Variants in PKNOX2 observed in about 807,000 individuals in gnomAD.
The protein encoded by PKNOX2 is PBX/knotted 1 homeobox 2.
Under a neutral mutation model 53.1 loss-of-function variants are expected in PKNOX2, and 14 were observed. That is an observed-to-expected ratio of 0.26 (90% confidence interval 0.17 to 0.41). The LOEUF (loss-of-function observed/expected upper bound fraction) is 0.41, where lower values mean the gene tolerates loss of function less well. Ranked by LOEUF, PKNOX2 falls within the 10% of genes least tolerant of loss-of-function variation. The pLI, the probability that PKNOX2 is intolerant of heterozygous loss-of-function variation, is 1.00. For synonymous variants in PKNOX2, 257 were observed against 242.8 expected (o/e 1.06, Z -0.54); for missense variants, 496 against 602.8 (o/e 0.82, Z 1.85).
At chr11:125,376,588 C>T (rs907883460) in intron 5 of PKNOX2, among the ~76,000 whole-genome samples, 9 of 152,316 alleles carry the variant, frequency 5.9e-5, no homozygotes, top group Admixed American at 5.9e-4. Context: ...TGTTCCAAGT[C>T]CCCCTAGTAT....
intron 3 of PKNOX2, among the ~76,000 whole-genome samples, chr11:125,345,115 T>C (rs1365667829): frequency 6.6e-6 from 1 of 152,246 alleles, no homozygotes; most frequent in East Asian, 1.9e-4. Context: ...GCCTGAATCC[T>C]CAGGGTCCCC....
chr11:125,271,359 A>G (rs1945776949), intron 2 of PKNOX2, among the ~76,000 whole-genome samples: 1 of 152,218 alleles, frequency 6.6e-6, no homozygotes, highest in Non-Finnish European at 1.5e-5. Context: ...CAAGACACTC[A>G]TAATCTCTTT....
chr11:125,272,493 G>C (rs932487212), intron 2 of PKNOX2, among the ~76,000 whole-genome samples: 3 of 152,122 alleles, frequency 2.0e-5, no homozygotes, highest in African/African-American at 7.2e-5. Context: ...GGGACAACTG[G>C]GGCCCAAGCT....
intron 1 of PKNOX2, among the ~76,000 whole-genome samples, chr11:125,193,361 T>C (rs1257653788): frequency 6.6e-6 from 1 of 152,152 alleles, no homozygotes; most frequent in Non-Finnish European, 1.5e-5. Flanking sequence ...GGCTCTAATT[T>C]ATGGGCCACA....
intron 2 of PKNOX2, among the ~76,000 whole-genome samples, chr11:125,274,436 G>A (rs1055347438): frequency 6.6e-6 from 1 of 152,144 alleles, no homozygotes; most frequent in African/African-American, 2.4e-5. Context: ...TTGCCTCTGC[G>A]GTGCCAGCCC....
chr11:125,340,485 G>T (rs1016866834), intron 3 of PKNOX2, among the ~76,000 whole-genome samples: 2 of 152,090 alleles, frequency 1.3e-5, no homozygotes, highest in Non-Finnish European at 2.9e-5. Flanking sequence ...CTTCCTCAAA[G>T]CCCCGGTTTG....
chr11:125,383,943 AAAAAC>A (rs549455111), intron 5 of PKNOX2, among the ~76,000 whole-genome samples: 8 of 152,198 alleles, frequency 5.3e-5, no homozygotes, highest in East Asian at 3.9e-4. Context: ...AAAAAACAAA[AAAAAC>A]AAAACAAAAC....
In PKNOX2 at chr11:125,265,139, T is replaced by G. The variant is rs546425713; in HGVS notation, c.-130+30024T>G. Among the ~76,000 whole-genome samples the G allele has an allele frequency of 6.9e-4, 105 of 151,934 alleles. 3 individuals carry two copies. The South Asian group carries it at 0.022, about 31-fold the overall frequency. On this transcript the variant is annotated intron_variant, in intron 2 of 12. Coordinates refer to ENST00000298282, the MANE Select transcript of PKNOX2 (RefSeq NM_001382323.2). ...CCATCTCTACTAAAAATACAAAAAT[T>G]AGCCAGGCGTGATGGTGGGCGCCTG...
chr11:125,345,217 C>T (rs1276549281), intron 3 of PKNOX2, among the ~76,000 whole-genome samples: 1 of 152,140 alleles, frequency 6.6e-6, no homozygotes, highest in African/African-American at 2.4e-5. Flanking sequence ...GGGGAGCTTG[C>T]CCCTCTTCCC....
intron 1 of PKNOX2, among the ~76,000 whole-genome samples, chr11:125,228,705 C>T (rs1941935683): frequency 6.6e-6 from 1 of 152,118 alleles, no homozygotes; most frequent in Non-Finnish European, 1.5e-5. Context: ...GAGAAAAAAC[C>T]CTCGGTTGGT....
intron 5 of PKNOX2, among the ~76,000 whole-genome samples, chr11:125,376,149 T>G (rs760560902): frequency 1.3e-5 from 2 of 152,164 alleles, no homozygotes; most frequent in Non-Finnish European, 2.9e-5. Context: ...CGACCTGCCC[T>G]GGGCCCCACA....
At chr11:125,366,579 G>T (rs568309970) in intron 4 of PKNOX2, among the ~76,000 whole-genome samples, 1 of 152,122 alleles carries the variant, frequency 6.6e-6, no homozygotes, top group African/African-American at 2.4e-5. Flanking sequence ...TCATGGTAAG[G>T]GCTATGAAGA....
intron 2 of PKNOX2, among the ~76,000 whole-genome samples, chr11:125,282,430 A>C (rs1946621680): frequency 6.6e-6 from 1 of 152,136 alleles, no homozygotes; most frequent in Admixed American, 6.5e-5. Flanking sequence ...TTATATCGAG[A>C]CCAGTGGGTG....
chr11:125,411,492 CTCTCTCTCTCTCTCTCT>C, intron 9 of PKNOX2: 17 of 450,714 alleles, frequency 3.8e-5, no homozygotes, highest in African/African-American at 2.9e-4. Context: ...CTCTCTCTCT[CTCTCTCTCTCTCTCTCT>C]CCCCCCCTTC....
At chr11:125,291,400 C>T (rs1008883801) in intron 2 of PKNOX2, among the ~76,000 whole-genome samples, 6 of 152,116 alleles carry the variant, frequency 3.9e-5, no homozygotes, top group African/African-American at 1.4e-4. Context: ...CTCGAGTGTG[C>T]TATGTGAGCT....
rs956958512 is a variant in PKNOX2, at chr11:125,420,112, A to C, written c.936+8247A>C. ...TGAGGTAGGAGGATCATTTGAGCCC[A>C]GGAGGTCAAGGCTGCAGTGAGCCCT... On this transcript the variant is annotated intron_variant, in intron 10 of 12. Coordinates refer to ENST00000298282, the MANE Select transcript of PKNOX2 (RefSeq NM_001382323.2). Among the ~76,000 whole-genome samples the C allele has an allele frequency of 4.6e-5, 7 of 151,536 alleles. 1 individual carries two copies. The highest frequency in any genetic ancestry group is 3.9e-4 in the Admixed American group (6 of 15,254).
chr11:125,286,143 C>T (rs1029237702), intron 2 of PKNOX2, among the ~76,000 whole-genome samples: 3 of 152,002 alleles, frequency 2.0e-5, no homozygotes, highest in Admixed American at 6.6e-5. Context: ...CCGTTCATGA[C>T]GGAGGTACTT....
Position 125,422,432 on chromosome 11 carries a change from G to T in PKNOX2, c.937-6580G>T, listed in dbSNP as rs1266241672. 1.3e-5 allele frequency among the ~76,000 whole-genome samples: 2 copies of T among 152,170 alleles called. No homozygotes were observed. The highest frequency in any genetic ancestry group is 2.9e-5 in the Non-Finnish European group (2 of 68,026). ...TTCTCCACCCATCCTTCGCTGTAGG[G>T]ATCTAGAGAGAAGCTGCCCTCCAAC... On this transcript the variant is annotated intron_variant, in intron 10 of 12. Transcript: ENST00000298282. The surrounding 1 kb of genome is among the most constrained non-coding windows in gnomAD (Gnocchi z 4.1).
rs78349043 is a variant in PKNOX2, at chr11:125,411,680, C to A, written c.817-66C>A. On this transcript the variant is annotated intron_variant, in intron 9 of 12. Coordinates refer to ENST00000298282, the MANE Select transcript of PKNOX2 (RefSeq NM_001382323.2). ...GCAGCCAAGCCTGCCGTCGCTATGG[C>A]AACAGGTCCCCAGCCGCTGCCCTCA... 37 of 1,611,662 alleles carry A rather than the reference C, an allele frequency of 2.3e-5. No individual in the cohort carries two copies. In the South Asian group the frequency reaches 3.7e-4, roughly 16 times the overall value.
Sources: allele counts gnomAD v4.1 joint callset (sites outside exome capture counted in the v4.1 genomes callset), GRCh38; gene constraint gnomAD v4.1.1; non-coding constraint Gnocchi (gnomAD v3.1); transcripts MANE v1.5; gene names NCBI Gene and HGNC (gene_info 2026-07-23, HGNC 2026-07-21).